The following TRAF5 variants were observed in gnomAD, a reference collection of about 807,000 sequenced individuals.
The protein encoded by TRAF5 is TNF receptor associated factor 5.
Under a neutral mutation model 64.5 loss-of-function variants are expected in TRAF5, and 48 were observed. The observed-to-expected ratio is 0.74, with a 90% CI of 0.59 to 0.95. The LOEUF is 0.95. TRAF5 is among the 40% of genes least tolerant of loss of function. The pLI is 0.00. For missense variants in TRAF5, 545 were observed against 662.8 expected (o/e 0.82, Z 1.95); for synonymous variants, 206 against 240.5 (o/e 0.86, Z 1.33).
Position 211,365,458 on chromosome 1 carries a change from T to C in TRAF5, c.779T>C (p.Leu260Ser). The C allele has an allele frequency of 1.2e-6, 2 of 1,612,594 alleles. No homozygotes were observed. Among genetic ancestry groups the C allele is most frequent in the Non-Finnish European group, 8.5e-7 (1 of 1,179,090 alleles). Residue 260 changes from leucine (L) to serine (S), a missense_variant, in exon 8 of 11, where the codon TTA (leucine) becomes TCA (serine). Coordinates refer to ENST00000261464, the MANE Select transcript of TRAF5 (RefSeq NM_001033910.3). ...TTGGTTTTAGAAAAGAATGTCCAAT[T>C]AGAAGAACAGGTAAATCTTCAAAGG... ...MRLVLEKNVQ[L>S]EEQISDLHKS...
chr1:211,365,176 A>C (rs1703310286), intron 7 of TRAF5, among the ~76,000 whole-genome samples, 200 bp from the exon 8 acceptor site: 2 of 152,090 alleles, frequency 1.3e-5, no homozygotes, highest in South Asian at 4.1e-4. Context: ...TCTCAAAAAA[A>C]AAACAAACAA....
intron 2 of TRAF5, chr1:211,353,706 C>T: frequency 2.0e-6 from 1 of 509,164 alleles, no homozygotes; most frequent in Non-Finnish European, 3.6e-6. Context: ...GACAGCAGAC[C>T]TAGACACACA....
chr1:211,339,621 G>T (rs1015983615), intron 1 of TRAF5, among the ~76,000 whole-genome samples: 3 of 152,152 alleles, frequency 2.0e-5, no homozygotes, highest in African/African-American at 7.2e-5. Context: ...TCCCTCTTCT[G>T]TTGCCCTGAT....
rs745354891 is a variant in TRAF5 at position 211,372,737 on chromosome 1, G to A, written c.*35G>A. 1 of 1,578,550 alleles carries A rather than the reference G, an allele frequency of 6.3e-7. No individual in the cohort carries two copies. The highest frequency in any genetic ancestry group is 1.1e-5 in the South Asian group (1 of 88,908). On this transcript the variant is annotated 3_prime_UTR_variant, in exon 11 of 11. Coordinates refer to ENST00000261464, the MANE Select transcript of TRAF5 (RefSeq NM_001033910.3). ...TGGGGTGATAAGAGGACTTCTTGGG[G>A]CCAGAACTGTGGAGGAGAGCACATT...
intron 8 of TRAF5, among the ~76,000 whole-genome samples, chr1:211,367,518 G>A (rs1056430272): frequency 1.6e-4 from 24 of 152,238 alleles, no homozygotes; most frequent in Non-Finnish European, 3.2e-4. Flanking sequence ...AGATGCTGGA[G>A]GTGGTGGTGG....
chr1:211,363,415 T>C (rs952509067), intron 7 of TRAF5, among the ~76,000 whole-genome samples: 2 of 152,222 alleles, frequency 1.3e-5, no homozygotes, highest in Admixed American at 1.3e-4. Context: ...AAATTAAATA[T>C]AGTATGTTCT....
At chr1:211,365,160 A>G (rs114825388) in intron 7 of TRAF5, among the ~76,000 whole-genome samples, 2,894 of 151,876 alleles carry the variant, frequency 0.019, 91 homozygotes, top group African/African-American at 0.067. Flanking sequence ...GCAACAGAGC[A>G]GGCTGTCTCA....
At chr1:211,369,916 A>G (rs552677580) in intron 9 of TRAF5, among the ~76,000 whole-genome samples, 1 of 152,154 alleles carries the variant, frequency 6.6e-6, no homozygotes, top group Non-Finnish European at 1.5e-5. Context: ...TTACCTCTAC[A>G]TATTAATACT....
Position 211,372,394 on chromosome 1 carries a change from G to T in TRAF5, c.1366G>T (p.Gly456Trp). 2 of 1,614,094 alleles carry T rather than the reference G, an allele frequency of 1.2e-6. No individual in the cohort carries two copies. Among genetic ancestry groups the T allele is most frequent in the Non-Finnish European group, 1.7e-6 (2 of 1,180,018 alleles). ...CCTGAATGGGGATGGGTCAGGGAGG[G>T]GGTCACACCTGTCCCTATACTTTGT... ...AYLNGDGSGR[G>W]SHLSLYFVVM... The change falls in exon 11 of 11, where the codon GGG becomes TGG. Residue 456 changes from glycine (G) to tryptophan (W), a missense_variant. Physicochemically the swap from Gly to Trp is radical, Grantham distance 184. Coordinates refer to ENST00000261464, the MANE Select transcript of TRAF5 (RefSeq NM_001033910.3).
At chr1:211,338,414 A>G (rs1036229982) in intron 1 of TRAF5, among the ~76,000 whole-genome samples, 2 of 152,122 alleles carry the variant, frequency 1.3e-5, no homozygotes, top group African/African-American at 4.8e-5. Flanking sequence ...TCCTGGGGAC[A>G]GGAGCTGTCT....
intron 7 of TRAF5, among the ~76,000 whole-genome samples, chr1:211,362,352 T>C (rs1188744536): frequency 4.6e-5 from 7 of 152,192 alleles, no homozygotes; most frequent in Admixed American, 4.6e-4. Flanking sequence ...TCAGAAATCA[T>C]GAAAATACTA....
chr1:211,350,928 C>A (rs1387006821), intron 1 of TRAF5, among the ~76,000 whole-genome samples: 1 of 152,090 alleles, frequency 6.6e-6, no homozygotes, highest in African/African-American at 2.4e-5. Context: ...CTGGGCTAGA[C>A]TCGAACTCCT....
At chr1:211,330,576 T>A (rs897454642) in intron 1 of TRAF5, among the ~76,000 whole-genome samples, 1 of 152,152 alleles carries the variant, frequency 6.6e-6, no homozygotes, top group Non-Finnish European at 1.5e-5. Flanking sequence ...CCCTCTTCTC[T>A]TTCTTTCACT....
At position 211,350,787 on chromosome 1, in the gene TRAF5, C is replaced by T. The variant is rs933508259; in HGVS notation, c.-1-2452C>T. 5.9e-5 allele frequency among the ~76,000 whole-genome samples: 9 copies of T among 152,148 alleles called. No individual in the cohort carries two copies. In the South Asian group the frequency reaches 6.2e-4, roughly 11 times the overall value. The stretch of plus-strand genomic sequence containing the variant: ...CTGGAAGCTGAAAGCCCAATATCAG[C>T]GTGCCAGTGTGGTTGGGTTCTGATG... On this transcript the variant is annotated intron_variant, in intron 1 of 10. Coordinates refer to ENST00000261464, the MANE Select transcript of TRAF5 (RefSeq NM_001033910.3).
At chr1:211,359,822 T>G in intron 4 of TRAF5, 90 bp from the exon 5 acceptor site, 4 of 1,526,132 alleles carry the variant, frequency 2.6e-6, no homozygotes, top group Non-Finnish European at 3.6e-6. Context: ...CTGCCCACCC[T>G]GTTCTCTCTC....
intron 1 of TRAF5, among the ~76,000 whole-genome samples, chr1:211,352,188 A>G (rs1487575166): frequency 6.6e-6 from 1 of 152,156 alleles, no homozygotes; most frequent in African/African-American, 2.4e-5. Context: ...GTGGCTGCAG[A>G]CGCCTCACAA....
intron 7 of TRAF5, among the ~76,000 whole-genome samples, chr1:211,361,694 T>A (rs1336498824): frequency 3.0e-4 from 1 of 3,388 alleles, no homozygotes; most frequent in Non-Finnish European, 9.1e-4. Context: ...TTATTCGGGT[T>A]TTTTTTTTTT....
chr1:211,348,676 A>G (rs560689640), intron 1 of TRAF5, among the ~76,000 whole-genome samples: 36 of 152,204 alleles, frequency 2.4e-4, no homozygotes, highest in African/African-American at 8.4e-4. Flanking sequence ...GTCTGTGTCT[A>G]GCTTCATTTT....
chr1:211,356,281 A>C, intron 3 of TRAF5, 86 bp from the exon 4 acceptor site: 1 of 1,061,712 alleles, frequency 9.4e-7, no homozygotes, highest in Admixed American at 2.0e-5. Context: ...CTTCTGAGAT[A>C]CACTCGAAGA....
Sources: allele counts gnomAD v4.1 joint callset (sites outside exome capture counted in the v4.1 genomes callset), GRCh38; gene constraint gnomAD v4.1.1; transcripts MANE v1.5; gene names NCBI Gene and HGNC (gene_info 2026-07-23, HGNC 2026-07-21).